EIF2S3: variants seen among roughly 807,000 people sequenced by gnomAD.
EIF2S3 encodes eukaryotic translation initiation factor 2 subunit 3.
In EIF2S3, 2 loss-of-function variants were observed where a neutral mutation model predicts 31.7. That is an observed-to-expected ratio of 0.06 (90% CI 0.03 to 0.20). The LOEUF (loss-of-function observed/expected upper bound fraction) is 0.20, where lower values mean the gene tolerates loss of function less well. Ranked by LOEUF, EIF2S3 falls within the 10% of genes least tolerant of loss-of-function variation. EIF2S3 has a pLI of 1.00. For missense variants in EIF2S3, 96 were observed against 359.3 expected, an observed-to-expected ratio of 0.27 and a Z score of 5.92; for synonymous variants, 120 against 126.7, an observed-to-expected ratio of 0.95 and a Z score of 0.36.
chrX:24,072,226 A>G (rs952836089), intron 10 of EIF2S3, among the ~76,000 whole-genome samples: 1 of 111,409 alleles, frequency 9.0e-6, no homozygotes, highest in East Asian at 2.8e-4. Flanking sequence ...AACTTAATAA[A>G]CAGGGAAAAG....
At chrX:24,072,752 A>C (rs1440440011) in intron 10 of EIF2S3, among the ~76,000 whole-genome samples, 1 of 111,347 alleles carries the variant, frequency 9.0e-6, no homozygotes, top group African/African-American at 3.3e-5. Flanking sequence ...GGCGTGTGCC[A>C]CTGCGCCTGG....
At chrX:24,056,426 A>G (rs1476672862) in intron 2 of EIF2S3, among the ~76,000 whole-genome samples, 1 of 112,301 alleles carries the variant, frequency 8.9e-6, no homozygotes, top group Non-Finnish European at 1.9e-5. Context: ...TACTGTGCAT[A>G]TATTGACCCA....
chrX:24,058,299 C>T (rs1354536999), intron 4 of EIF2S3, among the ~76,000 whole-genome samples: 1 of 111,236 alleles, frequency 9.0e-6, no homozygotes, highest in East Asian at 2.8e-4. Context: ...GTGGGCCTGG[C>T]GGTGGCAGGT....
At position 24,064,386 on chromosome X, in the gene EIF2S3, G is replaced by T. The variant is rs763214676; in HGVS notation, c.772+51G>T. On this transcript the variant is annotated intron_variant, in intron 7 of 11. Transcript: ENST00000253039. ...TCTTAATCTGATCTTTTCCACATTGGTGATTCCTCTTCAAGGATGTTTATT... is the reference window on the plus strand; with the variant it reads ...TCTTAATCTGATCTTTTCCACATTGTTGATTCCTCTTCAAGGATGTTTATT... 2 of 1,101,283 alleles carry T rather than the reference G, an allele frequency of 1.8e-6. 1 individual carries two copies. Among genetic ancestry groups the T allele is most frequent in the Admixed American group, 6.4e-5 (2 of 31,089 alleles). 90.8% of individuals were successfully genotyped at this position (1,101,283 alleles called of 1,213,427 possible).
At chrX:24,057,121 C>G (rs759388496) in intron 2 of EIF2S3, among the ~76,000 whole-genome samples, 3 of 112,635 alleles carry the variant, frequency 2.7e-5, no homozygotes, top group Admixed American at 9.4e-5. Context: ...GCCTCCACCT[C>G]CTGGGTTCAA....
chrX:24,056,639 G>A (rs773525651), intron 2 of EIF2S3, among the ~76,000 whole-genome samples: 1 of 111,518 alleles, frequency 9.0e-6, no homozygotes, highest in Non-Finnish European at 1.9e-5. Flanking sequence ...CAGGTGGATT[G>A]CTTGAGCCCA....
intron 1 of EIF2S3, 73 bp downstream of exon 1, chrX:24,055,110 G>T: frequency 1.8e-6 from 2 of 1,111,775 alleles, no homozygotes; most frequent in Non-Finnish European, 2.5e-6. Context: ...GTGGTATTGG[G>T]ACTAGTCAGT....
rs1285492438 is a variant in EIF2S3 at position 24,062,643 on chromosome X, T to C, written c.637+69T>C. Reference sequence around the variant, plus strand: ...AGGCATTTACTCTGGATACCAGATGTTAAATTAACTTTTAATATATTATCT... The same window carrying C: ...AGGCATTTACTCTGGATACCAGATGCTAAATTAACTTTTAATATATTATCT... On this transcript the variant is annotated intron_variant, in intron 6 of 11. Transcript: ENST00000253039. 5.6e-6 allele frequency: 6 copies of C among 1,075,331 alleles called. No individual in the cohort carries two copies. The African/African-American group carries it at 7.5e-5, about 13-fold the overall frequency. 88.6% of individuals were successfully genotyped at this position (1,075,331 alleles called of 1,213,427 possible).
rs748345014 is a variant in EIF2S3 at position 24,057,554 on chromosome X, C to T, written c.261+6C>T. 2.5e-6 allele frequency: 3 copies of T among 1,207,062 alleles called. No homozygotes were observed. The highest frequency in any genetic ancestry group is 3.4e-6 in the Non-Finnish European group (3 of 893,372). On this transcript the variant is annotated splice_donor_region_variant and intron_variant, in intron 3 of 11. Transcript: ENST00000253039. The stretch of plus-strand genomic sequence containing the variant: ...TTGGATATGCTAATGCTAAGGTAAG[C>T]TGTGTACTGTGGAACGAGAAACTAA...
chrX:24,064,537 G>A (rs139022122), intron 7 of EIF2S3, among the ~76,000 whole-genome samples: 66 of 112,708 alleles, frequency 5.9e-4, no homozygotes, highest in African/African-American at 1.5e-3. Context: ...AGTAAGAACT[G>A]TTAACCTAAG....
chrX:24,073,901 C>G (rs1054731420), intron 11 of EIF2S3, among the ~76,000 whole-genome samples: 1 of 112,152 alleles, frequency 8.9e-6, no homozygotes, highest in African/African-American at 3.2e-5. Flanking sequence ...CCTAGATTGA[C>G]AAACACACAT....
chrX:24,067,178 G>T (rs1274499094), intron 8 of EIF2S3, among the ~76,000 whole-genome samples: 1 of 110,863 alleles, frequency 9.0e-6, no homozygotes, highest in Non-Finnish European at 1.9e-5. Flanking sequence ...CGACTTGCTG[G>T]GGCTACAGGC....
chrX:24,057,043 T>C (rs980021000), intron 2 of EIF2S3, among the ~76,000 whole-genome samples: 2 of 112,154 alleles, frequency 1.8e-5, no homozygotes, highest in African/African-American at 6.4e-5. Flanking sequence ...TATTTATTTA[T>C]TTATTTGCGA....
chrX:24,060,201 G>A lies in EIF2S3; in HGVS notation c.478+19G>A, dbSNP rs778153367. 3 of 1,159,079 alleles carry A rather than the reference G, an allele frequency of 2.6e-6. No individual in the cohort carries two copies. The highest frequency in any genetic ancestry group is 1.8e-5 in the South Asian group (1 of 55,749). ...TTGATAGGTAAATACCTCACAATTG[G>A]TTTGGACAAATCAATGTGGAACAAA... is the stretch of plus-strand genomic sequence containing the variant. On this transcript the variant is annotated intron_variant, in intron 5 of 11. Coordinates refer to ENST00000253039, the MANE Select transcript of EIF2S3 (RefSeq NM_001415.4).
chrX:24,064,873 A>G (rs1930547870), intron 7 of EIF2S3, among the ~76,000 whole-genome samples: 1 of 112,116 alleles, frequency 8.9e-6, no homozygotes, highest in Non-Finnish European at 1.9e-5. Context: ...TGCTTAATAT[A>G]TGGTACATGA....
In EIF2S3 at chrX:24,072,501, T is replaced by TC. The variant is rs1287366187; in HGVS notation, c.1183-588dup. Among the ~76,000 whole-genome samples the TC allele has an allele frequency of 4.5e-5, 5 of 110,789 alleles. No homozygotes were observed. The Admixed American group carries it at 4.8e-4, about 11-fold the overall frequency. ...TTTTGCCGCATTACCCAGGCTGATC[T>TC]CCAACTCCTGGGCTTGAGCAATCTG... On this transcript the variant is annotated intron_variant, in intron 10 of 11. Transcript: ENST00000253039.
intron 2 of EIF2S3, among the ~76,000 whole-genome samples, chrX:24,055,927 G>A (rs916422200): frequency 1.8e-5 from 2 of 112,214 alleles, no homozygotes; most frequent in South Asian, 7.3e-4. Context: ...AAGGCAGTAT[G>A]TAGTCATATG....
At chrX:24,069,212 T>G (rs1362440341) in intron 9 of EIF2S3, among the ~76,000 whole-genome samples, 1 of 109,159 alleles carries the variant, frequency 9.2e-6, no homozygotes. Flanking sequence ...TAAAACCTTG[T>G]CTCTACTAAA....
chrX:24,070,439 GTTTT>G (rs768908773), intron 9 of EIF2S3, among the ~76,000 whole-genome samples: 1 of 50,973 alleles, frequency 2.0e-5, no homozygotes, highest in Non-Finnish European at 3.2e-5. Context: ...ATCATATGTA[GTTTT>G]TTTTTTTTTT....
Sources: gnomAD v4.1 joint callset for allele counts (sites outside exome capture counted in the v4.1 genomes callset) on GRCh38, gnomAD v4.1.1 for gene constraint, MANE v1.5 for transcripts, NCBI Gene and HGNC (gene_info 2026-07-23, HGNC 2026-07-21) for gene names.